TRPM3: variants seen among roughly 807,000 people sequenced by gnomAD.
TRPM3 encodes the protein transient receptor potential cation channel subfamily M member 3.
A neutral mutation model predicts 181.2 loss-of-function variants in TRPM3; 77 were observed. That is an observed-to-expected ratio of 0.42 (90% confidence interval 0.35 to 0.51). The LOEUF is 0.51. Among genes scored for constraint, TRPM3 ranks in the 20% least tolerant of loss-of-function variants. The pLI is 0.01. For synonymous variants in TRPM3, 745 were observed against 796.4 expected (o/e 0.94, Z 1.09); for missense variants, 1,759 against 2,196.7 (o/e 0.80, Z 3.98).
At chr9:70,860,623 G>C (rs1307667282) in intron 3 of TRPM3, among the ~76,000 whole-genome samples, 2 of 152,124 alleles carry the variant, frequency 1.3e-5, no homozygotes, top group Admixed American at 6.6e-5. Flanking sequence ...AGTAGGCTAA[G>C]GGGTGAGAAC....
chr9:71,284,253 A>C (rs1159161120), intron 1 of TRPM3, among the ~76,000 whole-genome samples: 1 of 152,246 alleles, frequency 6.6e-6, no homozygotes, highest in Non-Finnish European at 1.5e-5. Context: ...AAAATAATTT[A>C]TACTTGCCAA....
chr9:71,195,196 G>C (rs935528195), intron 1 of TRPM3, among the ~76,000 whole-genome samples: 1 of 152,028 alleles, frequency 6.6e-6, no homozygotes, highest in East Asian at 1.9e-4. Flanking sequence ...CACAGCAAAA[G>C]AAACTATCGA....
chr9:70,995,340 G>A (rs1451614385), intron 1 of TRPM3, among the ~76,000 whole-genome samples: 1 of 152,066 alleles, frequency 6.6e-6, no homozygotes, highest in African/African-American at 2.4e-5. Context: ...CTAGTTCAGG[G>A]GAGATAAAAA....
chr9:71,404,948 A>G (rs2093409397), intron 1 of TRPM3, among the ~76,000 whole-genome samples: 1 of 152,162 alleles, frequency 6.6e-6, no homozygotes, highest in South Asian at 2.1e-4. Context: ...GGTCCTCTTC[A>G]ACTTATCCAG....
intron 1 of TRPM3, among the ~76,000 whole-genome samples, chr9:71,139,677 A>G (rs1684588780): frequency 6.6e-6 from 1 of 152,206 alleles, no homozygotes. Context: ...GGTTAATAAT[A>G]AAAGTAGTAA....
intron 1 of TRPM3, among the ~76,000 whole-genome samples, chr9:70,962,124 A>C (rs2097142021): frequency 6.6e-6 from 1 of 152,178 alleles, no homozygotes; most frequent in Admixed American, 6.6e-5. Flanking sequence ...TGTAACACAC[A>C]AAATGGACTG....
chr9:71,228,640 C>T (rs75512086), intron 1 of TRPM3, among the ~76,000 whole-genome samples: 1 of 152,066 alleles, frequency 6.6e-6, no homozygotes, highest in Non-Finnish European at 1.5e-5. Flanking sequence ...ACAGAATCAA[C>T]ATACAAAAAT....
rs562186654 is a variant in TRPM3, at chr9:70,831,515, T to C, written c.802-3497A>G. ...CAGGCTTTCCTGAGAAATTAAGTCC[T>C]ACTGCCCCGCAGCATCCATTGCATG... On this transcript the variant is annotated intron_variant, in intron 5 of 25. Transcript: ENST00000677713. Among the ~76,000 whole-genome samples the C allele has an allele frequency of 7.9e-5, 12 of 152,142 alleles. No individual in the cohort carries two copies. The East Asian group carries it at 2.3e-3, about 29-fold the overall frequency.
chr9:70,912,075 A>G (rs1258280361), intron 1 of TRPM3, among the ~76,000 whole-genome samples: 2 of 152,186 alleles, frequency 1.3e-5, no homozygotes, highest in Admixed American at 6.5e-5. Flanking sequence ...GGTCAAAATA[A>G]TCAGTGTGGA....
rs1279326396 is a variant in TRPM3 at position 71,006,999 on chromosome 9, A to ATTGC, written c.177+114175_177+114178dup. Among the ~76,000 whole-genome samples the ATTGC allele has an allele frequency of 3.9e-5, 5 of 128,262 alleles. No individual in the cohort carries two copies. In the East Asian group the frequency reaches 1.3e-3, roughly 34 times the overall value. 84.1% of individuals were successfully genotyped at this position (128,262 alleles called of 152,430 possible). ...AGTTGCAGTGAGCCGAGATAGTGCCATTGCACTCCAGCCTAGGCAACAAGA... is the reference window on the plus strand; with the variant it reads ...AGTTGCAGTGAGCCGAGATAGTGCCATTGCTTGCACTCCAGCCTAGGCAACAAGA... On this transcript the variant is annotated intron_variant, in intron 1 of 25. Coordinates refer to ENST00000677713, the MANE Select transcript of TRPM3 (RefSeq NM_001366145.2).
intron 9 of TRPM3, among the ~76,000 whole-genome samples, chr9:70,652,454 A>T (rs903433400): frequency 6.6e-6 from 1 of 152,166 alleles, no homozygotes; most frequent in African/African-American, 2.4e-5. Context: ...TGAAGAAATA[A>T]GGACATCTAA....
In TRPM3 at chr9:71,187,458, G is replaced by A. The variant is rs114871902; in HGVS notation, c.183+259195C>T. ...CTAGAAAAAGGGATGAGAGAATAGCGAAGGATATGCTCTCTTCGTCTCTTA... is the reference window on the plus strand; with the variant it reads ...CTAGAAAAAGGGATGAGAGAATAGCAAAGGATATGCTCTCTTCGTCTCTTA... On this transcript the variant is annotated intron_variant, in intron 1 of 24. Transcript: ENST00000357533. Among the ~76,000 whole-genome samples, 299 of 151,940 alleles carry A rather than the reference G, an allele frequency of 2.0e-3. 2 individuals carry two copies. Among genetic ancestry groups the A allele is most frequent in the African/African-American group, 6.6e-3 (273 of 41,486 alleles).
At chr9:71,098,809 C>T (rs1387804099) in intron 1 of TRPM3, among the ~76,000 whole-genome samples, 1 of 152,084 alleles carries the variant, frequency 6.6e-6, no homozygotes, top group Non-Finnish European at 1.5e-5. Context: ...TTCTTGGAGC[C>T]CCCTGGAAAT....
chr9:70,886,929 C>CGCTA (rs1564688801), intron 1 of TRPM3, among the ~76,000 whole-genome samples: 2 of 152,068 alleles, frequency 1.3e-5, no homozygotes, highest in African/African-American at 4.8e-5. Context: ...CCACCCAAAG[C>CGCTA]GCTAGGATTA....
At chr9:70,844,164 A>G (rs1470959865) in intron 4 of TRPM3, among the ~76,000 whole-genome samples, 1 of 152,212 alleles carries the variant, frequency 6.6e-6, no homozygotes, top group Admixed American at 6.5e-5. Flanking sequence ...GGGCTAGCCT[A>G]GAGGAAGGGC....
chr9:71,322,284 T>C (rs910936356), intron 1 of TRPM3, among the ~76,000 whole-genome samples: 2 of 152,144 alleles, frequency 1.3e-5, no homozygotes, highest in African/African-American at 4.8e-5. Flanking sequence ...AACTGAATGT[T>C]AGCCTGTGAA....
chr9:71,263,269 A>T (rs2083183254), intron 1 of TRPM3, among the ~76,000 whole-genome samples: 1 of 152,172 alleles, frequency 6.6e-6, no homozygotes, highest in South Asian at 2.1e-4. Context: ...AACGTTTAAC[A>T]TGTCTAAAAT....
intron 1 of TRPM3, among the ~76,000 whole-genome samples, chr9:71,205,628 T>G (rs1283517034): frequency 6.6e-6 from 1 of 152,210 alleles, no homozygotes; most frequent in Non-Finnish European, 1.5e-5. Flanking sequence ...AAAGTTATAC[T>G]AATCATACAC....
chr9:71,149,527 G>A (rs1040969045), intron 1 of TRPM3, among the ~76,000 whole-genome samples: 5 of 152,070 alleles, frequency 3.3e-5, no homozygotes, highest in African/African-American at 9.7e-5. Flanking sequence ...GCTACATAGC[G>A]AATCTCAATA....
Sources: allele counts gnomAD v4.1 joint callset (sites outside exome capture counted in the v4.1 genomes callset), GRCh38; gene constraint gnomAD v4.1.1; transcripts MANE v1.5; gene names NCBI Gene and HGNC (gene_info 2026-07-23, HGNC 2026-07-21).